Variants in CNTNAP2 observed in about 807,000 individuals in gnomAD.
CNTNAP2 encodes the protein contactin associated protein 2.
Under a neutral mutation model 155.2 loss-of-function variants are expected in CNTNAP2, and 98 were observed. The ratio of observed to expected loss-of-function variants is 0.63; its 90% CI spans 0.54 to 0.75. CNTNAP2 has a LOEUF of 0.75. Ranked by LOEUF, CNTNAP2 falls within the 30% of genes least tolerant of loss-of-function variation. The pLI, the probability that CNTNAP2 is intolerant of heterozygous loss-of-function variation, is 0.00. For synonymous variants in CNTNAP2, 651 were observed against 631.2 expected, an observed-to-expected ratio of 1.03 and a Z score of -0.47; for missense variants, 1,727 against 1,688.1, an observed-to-expected ratio of 1.02 and a Z score of -0.40.
intron 1 of CNTNAP2, among the ~76,000 whole-genome samples, chr7:146,342,386 C>T (rs769988452): frequency 6.6e-6 from 1 of 152,104 alleles, no homozygotes; most frequent in Admixed American, 6.6e-5. Flanking sequence ...ACCACATAAC[C>T]AATGCTCTTT....
intron 1 of CNTNAP2, among the ~76,000 whole-genome samples, chr7:146,638,684 A>G (rs938220940): frequency 1.3e-5 from 2 of 151,342 alleles, no homozygotes; most frequent in African/African-American, 4.8e-5. Flanking sequence ...ACGGGGTTTC[A>G]CCGTGTTAGC....
chr7:146,782,306 A>T (rs1034572741), intron 2 of CNTNAP2: 11 of 152,236 alleles, frequency 7.2e-5, no homozygotes, highest in African/African-American at 2.7e-4. Flanking sequence ...AGAAAAATTC[A>T]AAGAACTGGT....
At chr7:148,303,003 G>C (rs79533961) in intron 21 of CNTNAP2, among the ~76,000 whole-genome samples, 1 of 151,782 alleles carries the variant, frequency 6.6e-6, no homozygotes, top group South Asian at 2.1e-4. Context: ...ATTTTTAGTA[G>C]AGGCAGAGTT....
intron 4 of CNTNAP2, among the ~76,000 whole-genome samples, chr7:147,060,553 T>C (rs1430318814): frequency 1.3e-5 from 2 of 151,934 alleles, no homozygotes; most frequent in East Asian, 3.9e-4. Context: ...AAACCCTGTC[T>C]CTACTAAAAG....
intron 18 of CNTNAP2, among the ~76,000 whole-genome samples, chr7:148,199,183 TA>T (rs1795327918): frequency 6.6e-6 from 1 of 152,168 alleles, no homozygotes; most frequent in Non-Finnish European, 1.5e-5. Flanking sequence ...ATCCTTAAAA[TA>T]AACCTAAAAA....
At chr7:147,374,709 G>A (rs987410020) in intron 9 of CNTNAP2, among the ~76,000 whole-genome samples, 3 of 152,004 alleles carry the variant, frequency 2.0e-5, no homozygotes, top group African/African-American at 4.8e-5. Flanking sequence ...GTAGTCTCTG[G>A]CTATATTCTG....
chr7:146,317,891 T>C (rs1288688018), intron 1 of CNTNAP2, among the ~76,000 whole-genome samples: 3 of 152,164 alleles, frequency 2.0e-5, no homozygotes, highest in Non-Finnish European at 2.9e-5. Flanking sequence ...CCTGTAATCC[T>C]AGCACTTTGG....
chr7:147,147,685 A>G (rs1801734819), intron 8 of CNTNAP2, among the ~76,000 whole-genome samples: 1 of 152,080 alleles, frequency 6.6e-6, no homozygotes, highest in Admixed American at 6.5e-5. Flanking sequence ...TTCTATTACC[A>G]GCTCCCAAGT....
chr7:147,915,678 T>C (rs941869210), intron 14 of CNTNAP2, among the ~76,000 whole-genome samples: 2 of 150,274 alleles, frequency 1.3e-5, no homozygotes, highest in Non-Finnish European at 2.9e-5. Flanking sequence ...TTAAGCTTTG[T>C]TCATTTTCAT....
intron 8 of CNTNAP2, among the ~76,000 whole-genome samples, chr7:147,165,773 G>A (rs898002744): frequency 1.8e-4 from 27 of 152,118 alleles, no homozygotes; most frequent in African/African-American, 5.6e-4. Context: ...TTGAAGATCA[G>A]TTGGCTTTAA....
intron 3 of CNTNAP2, among the ~76,000 whole-genome samples, chr7:146,969,209 C>T (rs1386213009): frequency 6.6e-6 from 1 of 152,072 alleles, no homozygotes; most frequent in African/African-American, 2.4e-5. Context: ...TTTACATTTG[C>T]TGAGGAGAAC....
chr7:147,136,432 C>A (rs1343341510), intron 8 of CNTNAP2, among the ~76,000 whole-genome samples: 3 of 152,062 alleles, frequency 2.0e-5, no homozygotes, highest in Middle Eastern at 3.4e-3. Flanking sequence ...TTTGTATTTT[C>A]ATCTCCAAAG....
chr7:147,972,846 G>T (rs1220505177), intron 14 of CNTNAP2, among the ~76,000 whole-genome samples: 1 of 152,084 alleles, frequency 6.6e-6, no homozygotes, highest in African/African-American at 2.4e-5. Flanking sequence ...CACACAAGAT[G>T]CTCAGATGGA....
chr7:146,899,399 C>A (rs867482391), intron 3 of CNTNAP2, among the ~76,000 whole-genome samples: 2 of 152,132 alleles, frequency 1.3e-5, no homozygotes, highest in South Asian at 4.1e-4. Flanking sequence ...CAGGTGAGAG[C>A]CCCGAAACCT....
chr7:146,609,332 T>A (rs1799097777), intron 1 of CNTNAP2, among the ~76,000 whole-genome samples: 1 of 152,186 alleles, frequency 6.6e-6, no homozygotes, highest in Non-Finnish European at 1.5e-5. Flanking sequence ...AATTTTAGGA[T>A]TGTGGAATTT....
At chr7:147,434,978 C>G (rs1020632625) in intron 10 of CNTNAP2, among the ~76,000 whole-genome samples, 2 of 152,096 alleles carry the variant, frequency 1.3e-5, no homozygotes, top group Non-Finnish European at 2.9e-5. Flanking sequence ...TGGGGGTGCA[C>G]CAAATTCATA....
chr7:146,884,381 T>C (rs1462710225), intron 3 of CNTNAP2, among the ~76,000 whole-genome samples: 1 of 152,122 alleles, frequency 6.6e-6, no homozygotes, highest in Non-Finnish European at 1.5e-5. Context: ...AAGAATAAAT[T>C]TGACAGGTAG....
intron 22 of CNTNAP2, among the ~76,000 whole-genome samples, chr7:148,390,282 G>C (rs1273051625): frequency 2.0e-5 from 3 of 152,128 alleles, no homozygotes; most frequent in Non-Finnish European, 4.4e-5. Flanking sequence ...CAACTGGAAA[G>C]CAGACTTGAA....
At chr7:146,417,108 C>G (rs953368084) in intron 1 of CNTNAP2, among the ~76,000 whole-genome samples, 2 of 152,106 alleles carry the variant, frequency 1.3e-5, no homozygotes, top group African/African-American at 4.8e-5. Flanking sequence ...AGAAAGAATT[C>G]TTAACTATGT....
Sources: gnomAD v4.1 joint callset for allele counts (sites outside exome capture counted in the v4.1 genomes callset) on GRCh38, gnomAD v4.1.1 for gene constraint, MANE v1.5 for transcripts, NCBI Gene and HGNC (gene_info 2026-07-23, HGNC 2026-07-21) for gene names.